Variants in PSMD14 observed in about 807,000 individuals in gnomAD.
PSMD14 encodes the protein ubiquitin C-terminal hydrolase PSMD14.
A neutral mutation model predicts 41.2 loss-of-function variants in PSMD14; 7 were observed. That is an observed-to-expected ratio of 0.17 (90% CI 0.10 to 0.32). PSMD14 has a LOEUF of 0.32. Ranked by LOEUF, PSMD14 falls within the 10% of genes least tolerant of loss-of-function variation. The pLI is 1.00. For missense variants in PSMD14, 139 were observed against 375.6 expected, an observed-to-expected ratio of 0.37 and a Z score of 5.21; for synonymous variants, 114 against 122.3, an observed-to-expected ratio of 0.93 and a Z score of 0.45.
intron 7 of PSMD14, among the ~76,000 whole-genome samples, chr2:161,373,195 T>C (rs1683462665): frequency 6.6e-6 from 1 of 151,874 alleles, no homozygotes. Flanking sequence ...AATATGTATG[T>C]GTCACGTCTT....
chr2:161,369,978 A>C (rs1443871774), intron 5 of PSMD14, 129 bp from the exon 6 acceptor site: 1 of 607,530 alleles, frequency 1.6e-6, no homozygotes, highest in Non-Finnish European at 2.8e-6. Context: ...TAATTGAATG[A>C]CTTGAGTAGG....
chr2:161,398,177 A>G (rs1417510029), intron 10 of PSMD14, among the ~76,000 whole-genome samples: 2 of 152,162 alleles, frequency 1.3e-5, no homozygotes, highest in Admixed American at 6.6e-5. Flanking sequence ...GATATGAAAG[A>G]GTCCAAATTT....
At chr2:161,404,772 GTC>G (rs1683926965) in intron 10 of PSMD14, among the ~76,000 whole-genome samples, 1 of 152,086 alleles carries the variant, frequency 6.6e-6, no homozygotes, top group Admixed American at 6.6e-5. Context: ...AACTTCTGAA[GTC>G]TCTTTTTACT....
At chr2:161,391,416 G>A (rs985097045) in intron 9 of PSMD14, among the ~76,000 whole-genome samples, 7 of 151,958 alleles carry the variant, frequency 4.6e-5, no homozygotes, top group African/African-American at 9.7e-5. Context: ...TAAATCAAAC[G>A]TTCCACTTTG....
At chr2:161,348,510 A>C (rs1463790123) in intron 3 of PSMD14, among the ~76,000 whole-genome samples, 1 of 152,256 alleles carries the variant, frequency 6.6e-6, no homozygotes, top group East Asian at 1.9e-4. Flanking sequence ...GAATGTGTAC[A>C]TAATTGTACT....
chr2:161,395,435 C>A (rs1270033367), intron 10 of PSMD14, among the ~76,000 whole-genome samples: 6 of 152,124 alleles, frequency 3.9e-5, no homozygotes, highest in Non-Finnish European at 7.4e-5. Flanking sequence ...TTAAAACAAG[C>A]AGCTAGCCAG....
intron 2 of PSMD14, among the ~76,000 whole-genome samples, chr2:161,317,377 G>T (rs944618084): frequency 1.3e-5 from 2 of 152,120 alleles, no homozygotes; most frequent in Admixed American, 6.6e-5. Flanking sequence ...AGCCAGATAC[G>T]AAAAATATAT....
intron 3 of PSMD14, among the ~76,000 whole-genome samples, chr2:161,319,910 G>GT (rs1436207701): frequency 1.3e-5 from 2 of 152,222 alleles, no homozygotes; most frequent in Non-Finnish European, 2.9e-5. Flanking sequence ...GATTTCAGTT[G>GT]TTTTTCGTTT....
Position 161,344,566 on chromosome 2 carries a change from G to A in PSMD14, c.49-22912G>A, listed in dbSNP as rs10174431. 6.3e-4 allele frequency among the ~76,000 whole-genome samples: 96 copies of A among 152,140 alleles called. 1 individual carries two copies. The highest frequency in any genetic ancestry group is 2.1e-3 in the African/African-American group (87 of 41,438). On this transcript the variant is annotated intron_variant, in intron 3 of 11. Coordinates refer to ENST00000409682, the MANE Select transcript of PSMD14 (RefSeq NM_005805.6). Reference sequence around the variant, plus strand: ...AAAGTGTCATATTGTTTTTCACAGCGAATGATTATCTTTTAAAGAGAGTTA... The same window carrying A: ...AAAGTGTCATATTGTTTTTCACAGCAAATGATTATCTTTTAAAGAGAGTTA...
chr2:161,385,214 T>G (rs1057295741), intron 7 of PSMD14: 3 of 271,892 alleles, frequency 1.1e-5, no homozygotes, highest in South Asian at 3.1e-4. Context: ...ATAATAAAGA[T>G]GCAAAGTTAA....
intron 10 of PSMD14, among the ~76,000 whole-genome samples, chr2:161,403,617 G>C (rs1333390828): frequency 1.3e-5 from 2 of 152,058 alleles, no homozygotes; most frequent in African/African-American, 4.8e-5. Flanking sequence ...CATTGCCTTA[G>C]AATGAGGTCC....
At chr2:161,343,153 A>G (rs1682991175) in intron 3 of PSMD14, among the ~76,000 whole-genome samples, 2 of 152,186 alleles carry the variant, frequency 1.3e-5, no homozygotes, top group Non-Finnish European at 2.9e-5. Flanking sequence ...TGCAACCATC[A>G]CTGCCATCTG....
chr2:161,321,712 A>C (rs1682611072), intron 3 of PSMD14, among the ~76,000 whole-genome samples: 1 of 152,220 alleles, frequency 6.6e-6, no homozygotes, highest in Non-Finnish European at 1.5e-5. Context: ...AACTCAAGAA[A>C]GTGCTGTGCT....
At chr2:161,374,307 T>C (rs1276919499) in intron 7 of PSMD14, among the ~76,000 whole-genome samples, 1 of 152,014 alleles carries the variant, frequency 6.6e-6, no homozygotes, top group Non-Finnish European at 1.5e-5. Flanking sequence ...ATGTATTATA[T>C]ATTAATTGAT....
chr2:161,373,677 T>TTA (rs1247912214), intron 7 of PSMD14, among the ~76,000 whole-genome samples: 1 of 151,936 alleles, frequency 6.6e-6, no homozygotes. Flanking sequence ...AAATGACATT[T>TTA]TATATATAAA....
chr2:161,368,194 TAGC>T (rs1559048661), intron 5 of PSMD14, among the ~76,000 whole-genome samples: 1 of 151,522 alleles, frequency 6.6e-6, no homozygotes, highest in African/African-American at 2.4e-5. Flanking sequence ...TACCCTATAA[TAGC>T]AGAGTGTTAG....
intron 10 of PSMD14, among the ~76,000 whole-genome samples, chr2:161,406,957 T>C (rs1236515157): frequency 6.6e-6 from 1 of 152,154 alleles, no homozygotes; most frequent in Non-Finnish European, 1.5e-5. Context: ...CTACCATCTT[T>C]GTTGTTTGCA....
chr2:161,411,341 A>G lies in PSMD14; in HGVS notation c.874A>G (p.Met292Val). 1 of 1,610,832 alleles carries G rather than the reference A, an allele frequency of 6.2e-7. No individual in the cohort carries two copies. The highest frequency in any genetic ancestry group is 8.5e-7 in the Non-Finnish European group (1 of 1,178,266). Residue 292 changes from methionine (M) to valine (V), a missense_variant, in exon 12 of 12, where the codon ATG (methionine) becomes GTG (valine). This residue lies in a region of PSMD14 where 80 missense variants were observed against 138.1 expected (regional missense o/e 0.58). Transcript: ENST00000409682. ...RHLEEHVDVLMTSNIVQCLAA... is the reference protein window; with the variant it reads ...RHLEEHVDVLVTSNIVQCLAA... The stretch of plus-strand genomic sequence containing the variant: ...TTTGGAGGAACATGTGGATGTACTT[A>G]TGACCTCAAATATTGTCCAGTGTTT...
At chr2:161,326,599 A>G (rs1346825518) in intron 3 of PSMD14, among the ~76,000 whole-genome samples, 1 of 152,238 alleles carries the variant, frequency 6.6e-6, no homozygotes, top group East Asian at 1.9e-4. Context: ...AGATGTTTGT[A>G]CACCAATATT....
Sources: gnomAD v4.1 joint callset for allele counts (sites outside exome capture counted in the v4.1 genomes callset) on GRCh38, gnomAD v4.1.1 for gene constraint, gnomAD v4.1.1 regional missense constraint, MANE v1.5 for transcripts, NCBI Gene and HGNC (gene_info 2026-07-23, HGNC 2026-07-21) for gene names.